The following CDIN1 variants were observed in gnomAD, a reference collection of about 807,000 sequenced individuals.
CDIN1 encodes CDAN1-interacting nuclease 1.
A neutral mutation model predicts 45.3 loss-of-function variants in CDIN1; 33 were observed. The observed-to-expected ratio is 0.73, with a 90% CI of 0.55 to 0.97. The LOEUF is 0.97. Among genes scored for constraint, CDIN1 ranks in the 50% least tolerant of loss-of-function variants. The probability of loss-of-function intolerance (pLI) is 0.00; values close to 1 mark genes in which losing one functional copy is unlikely to be tolerated. For synonymous variants in CDIN1, 118 were observed against 124.4 expected (o/e 0.95, Z 0.34); for missense variants, 303 against 339.4 (o/e 0.89, Z 0.84).
At chr15:36,675,074 C>G (rs772610321) in intron 5 of CDIN1, among the ~76,000 whole-genome samples, 1 of 152,048 alleles carries the variant, frequency 6.6e-6, no homozygotes, top group Non-Finnish European at 1.5e-5. Context: ...ATACTCCAAG[C>G]TCAGGATACT....
At chr15:36,629,654 T>C (rs1039062816) in intron 1 of CDIN1, among the ~76,000 whole-genome samples, 21 of 152,212 alleles carry the variant, frequency 1.4e-4, no homozygotes, top group African/African-American at 5.1e-4. Context: ...AAATGCCCTT[T>C]GAAAGCTACA....
intron 10 of CDIN1, among the ~76,000 whole-genome samples, chr15:36,733,400 A>C (rs1265644109): frequency 2.0e-5 from 3 of 152,114 alleles, no homozygotes; most frequent in African/African-American, 7.2e-5. Context: ...AAAACCTGAA[A>C]ATCTGAGACT....
intron 10 of CDIN1, among the ~76,000 whole-genome samples, chr15:36,752,796 T>G (rs1050739239): frequency 4.6e-5 from 7 of 152,176 alleles, no homozygotes; most frequent in Non-Finnish European, 8.8e-5. Flanking sequence ...GAGTTTATAA[T>G]GTTCTGAGGG....
chr15:36,655,898 T>C (rs1333872721), intron 4 of CDIN1, among the ~76,000 whole-genome samples: 2 of 152,222 alleles, frequency 1.3e-5, no homozygotes, highest in Non-Finnish European at 2.9e-5. Flanking sequence ...CCATTAAATA[T>C]TTAGCTGACC....
chr15:36,681,989 A>T (rs1250944061), intron 5 of CDIN1, among the ~76,000 whole-genome samples: 1 of 152,192 alleles, frequency 6.6e-6, no homozygotes, highest in East Asian at 1.9e-4. Flanking sequence ...TGTGTTGATA[A>T]ATTTAAATAA....
intron 5 of CDIN1, among the ~76,000 whole-genome samples, chr15:36,688,498 G>A (rs1676911815): frequency 1.3e-5 from 2 of 152,110 alleles, no homozygotes; most frequent in African/African-American, 4.8e-5. Context: ...ATACATTCCT[G>A]CTTTATACAT....
At chr15:36,780,663 T>C (rs898349576) in intron 10 of CDIN1, among the ~76,000 whole-genome samples, 1 of 152,166 alleles carries the variant, frequency 6.6e-6, no homozygotes, top group Non-Finnish European at 1.5e-5. Context: ...GTACTTGTCA[T>C]GAGATGGATT....
chr15:36,786,698 C>A (rs182171414), intron 10 of CDIN1, among the ~76,000 whole-genome samples: 1 of 152,262 alleles, frequency 6.6e-6, no homozygotes, highest in Non-Finnish European at 1.5e-5. Flanking sequence ...TCTTCATGAT[C>A]AATCTTGAAA....
intron 10 of CDIN1, among the ~76,000 whole-genome samples, chr15:36,756,726 T>C (rs984663402): frequency 6.6e-6 from 1 of 152,210 alleles, no homozygotes; most frequent in South Asian, 2.1e-4. Flanking sequence ...ACAAGACTAA[T>C]TGGGGTAATT....
At chr15:36,743,494 T>C (rs75034608) in intron 10 of CDIN1, among the ~76,000 whole-genome samples, 5,742 of 152,252 alleles carry the variant, frequency 0.038, 384 homozygotes, top group African/African-American at 0.13. Flanking sequence ...CTAATCCTAG[T>C]ATCAGTGGAT....
chr15:36,655,350 CAG>C (rs2040741423), intron 4 of CDIN1, among the ~76,000 whole-genome samples: 2 of 142,114 alleles, frequency 1.4e-5, no homozygotes, highest in Admixed American at 1.5e-4. Context: ...TTTTTTGAGA[CAG>C]AGTCTCACTC....
intron 5 of CDIN1, among the ~76,000 whole-genome samples, chr15:36,685,255 G>A (rs867926616): frequency 2.3e-4 from 35 of 151,356 alleles, no homozygotes; most frequent in African/African-American, 6.1e-4. Context: ...CTTTGAATGC[G>A]TCCCAGAGAT....
chr15:36,643,824 C>A (rs185539105), intron 1 of CDIN1, among the ~76,000 whole-genome samples: 2 of 152,190 alleles, frequency 1.3e-5, no homozygotes, highest in African/African-American at 4.8e-5. Context: ...AAGTTTTCTC[C>A]CTGAAACTGG....
intron 1 of CDIN1, chr15:36,618,903 T>C (rs1412297438): frequency 3.1e-6 from 4 of 1,281,752 alleles, no homozygotes; most frequent in Non-Finnish European, 4.5e-6. Context: ...AATCGTAACA[T>C]AAATGTAGCT....
At chr15:36,728,507 T>C (rs1323692190) in intron 10 of CDIN1, among the ~76,000 whole-genome samples, 1 of 151,858 alleles carries the variant, frequency 6.6e-6, no homozygotes, top group Non-Finnish European at 1.5e-5. Context: ...GAGGAAGTGC[T>C]ATCGATAGCT....
chr15:36,712,839 G>A (rs2043102677), intron 10 of CDIN1, among the ~76,000 whole-genome samples: 1 of 152,074 alleles, frequency 6.6e-6, no homozygotes, highest in Admixed American at 6.6e-5. Context: ...AAACTCTGTA[G>A]TCTCTACTTC....
At chr15:36,696,101 GT>G (rs1321991951) in intron 7 of CDIN1, among the ~76,000 whole-genome samples, 2 of 152,064 alleles carry the variant, frequency 1.3e-5, no homozygotes, top group African/African-American at 4.8e-5. Context: ...CTAGGCCTCG[GT>G]TTTCTCATCT....
At chr15:36,732,742 T>G (rs1257630568) in intron 10 of CDIN1, among the ~76,000 whole-genome samples, 2 of 152,006 alleles carry the variant, frequency 1.3e-5, no homozygotes, top group African/African-American at 2.4e-5. Context: ...ATAAAAAAAG[T>G]CAGGGGAATT....
intron 3 of CDIN1, among the ~76,000 whole-genome samples, chr15:36,646,263 A>G (rs7172358): frequency 0.95 from 145,251 of 152,262 alleles, 69,288 homozygotes; most frequent in East Asian, 1. Context: ...TGTTTCGGTA[A>G]TCATTTTATT....
Sources: allele counts gnomAD v4.1 joint callset (sites outside exome capture counted in the v4.1 genomes callset), GRCh38; gene constraint gnomAD v4.1.1; transcripts MANE v1.5; gene names NCBI Gene and HGNC (gene_info 2026-07-23, HGNC 2026-07-21).